Variants in IL1RAPL1 observed in about 807,000 individuals in gnomAD.
IL1RAPL1 encodes interleukin-1 receptor accessory protein-like 1.
IL1RAPL1 carries 3 observed loss-of-function variants against 48.4 expected under a neutral mutation model. That is an observed-to-expected ratio of 0.06 (90% CI 0.03 to 0.16). The LOEUF (loss-of-function observed/expected upper bound fraction) is 0.16, where lower values mean the gene tolerates loss of function less well. IL1RAPL1 is among the 10% of genes least tolerant of loss of function. The pLI is 1.00. For synonymous variants in IL1RAPL1, 185 were observed against 187.7 expected (o/e 0.99, Z 0.12); for missense variants, 349 against 530.6 (o/e 0.66, Z 3.36).
intron 2 of IL1RAPL1, among the ~76,000 whole-genome samples, chrX:28,790,423 A>C (rs1159133654): frequency 8.9e-6 from 1 of 112,953 alleles, no homozygotes; most frequent in Non-Finnish European, 1.9e-5. Flanking sequence ...CTTCAAACTC[A>C]CTTTGATGAT....
intron 2 of IL1RAPL1, among the ~76,000 whole-genome samples, chrX:29,047,479 C>T (rs773674616): frequency 8.9e-6 from 1 of 112,341 alleles, no homozygotes; most frequent in East Asian, 2.8e-4. Flanking sequence ...TTCTCATTTG[C>T]TGTGGATCTG....
intron 5 of IL1RAPL1, among the ~76,000 whole-genome samples, chrX:29,609,878 G>A (rs9969906): frequency 0.086 from 9,548 of 111,493 alleles, 434 homozygotes; most frequent in Middle Eastern, 0.18. Context: ...GGATCCAGGT[G>A]TCAAGAACCT....
intron 5 of IL1RAPL1, among the ~76,000 whole-genome samples, chrX:29,579,578 C>T (rs773550315): frequency 8.9e-6 from 1 of 111,775 alleles, no homozygotes; most frequent in East Asian, 2.8e-4. Context: ...CATTTTTTCC[C>T]AAGGGCAAGA....
rs188454283 is a variant in IL1RAPL1, at chrX:29,356,882, C to T, written c.363-39376C>T. Reference sequence around the variant, plus strand: ...CACTAGAAGTGCTTGAAGATTCCCACGATTGCTCATTTCCATCAGTATTTG... The same window carrying T: ...CACTAGAAGTGCTTGAAGATTCCCATGATTGCTCATTTCCATCAGTATTTG... On this transcript the variant is annotated intron_variant, in intron 3 of 10. Transcript: ENST00000378993. Among the ~76,000 whole-genome samples the T allele has an allele frequency of 8.7e-4, 97 of 111,670 alleles. 1 individual carries two copies. The highest frequency in any genetic ancestry group is 2.8e-3 in the African/African-American group (87 of 30,763).
At chrX:29,498,198 G>A (rs1016975713) in intron 5 of IL1RAPL1, among the ~76,000 whole-genome samples, 1 of 111,612 alleles carries the variant, frequency 9.0e-6, no homozygotes, top group Non-Finnish European at 1.9e-5. Context: ...CATCACCATT[G>A]CTTCCAGATG....
At chrX:29,563,935 G>A (rs955722704) in intron 5 of IL1RAPL1, among the ~76,000 whole-genome samples, 6 of 111,701 alleles carry the variant, frequency 5.4e-5, no homozygotes, top group Non-Finnish European at 9.4e-5. Context: ...GTTTTGTCTT[G>A]TCTTTTACTT....
At chrX:29,468,174 T>A (rs912113053) in intron 5 of IL1RAPL1, among the ~76,000 whole-genome samples, 8 of 113,026 alleles carry the variant, frequency 7.1e-5, no homozygotes, top group Non-Finnish European at 1.3e-4. Flanking sequence ...CTGCTGTCTT[T>A]ATTTCTGCTT....
chrX:29,478,469 G>T (rs1569320056), intron 5 of IL1RAPL1, among the ~76,000 whole-genome samples: 1 of 111,051 alleles, frequency 9.0e-6, no homozygotes, highest in Non-Finnish European at 1.9e-5. Context: ...TTCAGCCCTT[G>T]CCCTCCTATA....
At chrX:29,028,143 A>G (rs1296036834) in intron 2 of IL1RAPL1, among the ~76,000 whole-genome samples, 7 of 110,628 alleles carry the variant, frequency 6.3e-5, no homozygotes, top group African/African-American at 2.3e-4. Flanking sequence ...TAAGAATACA[A>G]TACATTGTTA....
At chrX:29,671,860 G>A (rs1404053389) in intron 6 of IL1RAPL1, among the ~76,000 whole-genome samples, 3 of 111,671 alleles carry the variant, frequency 2.7e-5, no homozygotes, top group Non-Finnish European at 3.8e-5. Context: ...TGACCTAATG[G>A]TACAAATTAT....
intron 5 of IL1RAPL1, among the ~76,000 whole-genome samples, chrX:29,548,985 T>G (rs977262784): frequency 9.0e-6 from 1 of 111,694 alleles, no homozygotes; most frequent in African/African-American, 3.2e-5. Flanking sequence ...AAAACCTCAT[T>G]AACATGAATA....
chrX:28,825,582 C>T (rs1259575251), intron 2 of IL1RAPL1, among the ~76,000 whole-genome samples: 1 of 111,125 alleles, frequency 9.0e-6, no homozygotes, highest in African/African-American at 3.3e-5. Flanking sequence ...AGAACATTTT[C>T]CTCTTTACAC....
intron 2 of IL1RAPL1, among the ~76,000 whole-genome samples, chrX:28,996,787 T>C (rs1925736100): frequency 9.0e-6 from 1 of 111,584 alleles, no homozygotes; most frequent in African/African-American, 3.3e-5. Context: ...ATGTGTGATA[T>C]GGTAACTCAT....
intron 5 of IL1RAPL1, among the ~76,000 whole-genome samples, chrX:29,629,276 A>G (rs1318677295): frequency 8.9e-6 from 1 of 111,860 alleles, no homozygotes; most frequent in African/African-American, 3.2e-5. Flanking sequence ...AGAGAAAAAA[A>G]TCTACAGTAT....
At chrX:29,932,457 A>G (rs1258015626) in intron 8 of IL1RAPL1, among the ~76,000 whole-genome samples, 1 of 112,136 alleles carries the variant, frequency 8.9e-6, no homozygotes, top group African/African-American at 3.2e-5. Context: ...TGCTTTGAAA[A>G]TAAAAAAAGA....
chrX:29,628,304 A>C (rs1924671214), intron 5 of IL1RAPL1, among the ~76,000 whole-genome samples: 1 of 112,176 alleles, frequency 8.9e-6, no homozygotes, highest in East Asian at 2.8e-4. Context: ...AGATATTAAT[A>C]GGATGGCCAT....
intron 1 of IL1RAPL1, among the ~76,000 whole-genome samples, chrX:28,635,418 C>A (rs1027159135): frequency 2.7e-5 from 3 of 111,690 alleles, no homozygotes; most frequent in African/African-American, 9.8e-5. Flanking sequence ...TGTGAAAGTG[C>A]CACACATTCA....
intron 5 of IL1RAPL1, among the ~76,000 whole-genome samples, chrX:29,578,039 G>A (rs1922835020): frequency 8.9e-6 from 1 of 111,870 alleles, no homozygotes; most frequent in Non-Finnish European, 1.9e-5. Flanking sequence ...AAGTTCCCAG[G>A]TAATTAGATT....
At chrX:29,926,626 T>C (rs1932894038) in intron 8 of IL1RAPL1, among the ~76,000 whole-genome samples, 1 of 112,199 alleles carries the variant, frequency 8.9e-6, no homozygotes, top group Non-Finnish European at 1.9e-5. Flanking sequence ...ACTTTGTCTA[T>C]AGCAGGATTT....
Sources: allele counts gnomAD v4.1 joint callset (sites outside exome capture counted in the v4.1 genomes callset), GRCh38; gene constraint gnomAD v4.1.1; transcripts MANE v1.5; gene names NCBI Gene and HGNC (gene_info 2026-07-23, HGNC 2026-07-21).